Variants in RYR2 observed in about 807,000 individuals in gnomAD.
The protein encoded by RYR2 is ryanodine receptor 2, also known as cardiac muscle ryanodine receptor-calcium release channel.
Under a neutral mutation model 601.1 loss-of-function variants are expected in RYR2, and 227 were observed. The observed-to-expected ratio is 0.38, with a 90% CI of 0.34 to 0.42. RYR2 has a LOEUF of 0.42. RYR2 is among the 10% of genes least tolerant of loss of function. The pLI is 1.00. For synonymous variants in RYR2, 2,223 were observed against 2,175.1 expected (o/e 1.02, Z -0.61); for missense variants, 4,646 against 6,156.5 (o/e 0.75, Z 8.21).
chr1:237,460,370 C>T (rs2150248885), intron 16 of RYR2, among the ~76,000 whole-genome samples: 2 of 152,264 alleles, frequency 1.3e-5, no homozygotes, highest in South Asian at 4.1e-4. Flanking sequence ...CTTGACTGAT[C>T]AGGGATCCAC....
intron 29 of RYR2, among the ~76,000 whole-genome samples, chr1:237,589,264 A>G (rs1425400206): frequency 1.3e-5 from 2 of 152,198 alleles, no homozygotes; most frequent in African/African-American, 2.4e-5. Flanking sequence ...CTATTAGTAG[A>G]TGGAAAACTT....
intron 23 of RYR2, among the ~76,000 whole-genome samples, chr1:237,511,313 A>G (rs1340167652): frequency 6.6e-6 from 1 of 151,784 alleles, no homozygotes; most frequent in Non-Finnish European, 1.5e-5. Context: ...AAAAAAAAAA[A>G]AAGAGTAAGC....
At chr1:237,403,989 C>T (rs1012422259) in intron 10 of RYR2, among the ~76,000 whole-genome samples, 2 of 152,154 alleles carry the variant, frequency 1.3e-5, no homozygotes, top group African/African-American at 2.4e-5. Context: ...TGTGGTGGCC[C>T]ACATCTGTAA....
intron 1 of RYR2, among the ~76,000 whole-genome samples, chr1:237,166,198 C>T (rs1676698054): frequency 6.6e-6 from 1 of 152,164 alleles, no homozygotes; most frequent in Admixed American, 6.5e-5. Context: ...TTCTCAAGGG[C>T]CAATGCCAGT....
chr1:237,289,522 G>C (rs529229428), intron 2 of RYR2, among the ~76,000 whole-genome samples: 3 of 152,152 alleles, frequency 2.0e-5, no homozygotes, highest in African/African-American at 7.2e-5. Flanking sequence ...GAAGTGCTGT[G>C]CAAAGAGGGA....
intron 17 of RYR2, among the ~76,000 whole-genome samples, chr1:237,481,123 T>TATAC (rs1662038580): frequency 7.3e-6 from 1 of 137,136 alleles, no homozygotes; most frequent in Non-Finnish European, 1.5e-5. Context: ...TATATATATA[T>TATAC]ATACACACAC....
At chr1:237,689,081 A>T (rs1686707255) in intron 63 of RYR2, among the ~76,000 whole-genome samples, 1 of 152,132 alleles carries the variant, frequency 6.6e-6, no homozygotes, top group South Asian at 2.1e-4. Flanking sequence ...GGGGCAACAT[A>T]GCAAGACCTT....
At chr1:237,520,413 C>T (rs1666974695) in intron 24 of RYR2, among the ~76,000 whole-genome samples, 1 of 152,094 alleles carries the variant, frequency 6.6e-6, no homozygotes. Context: ...TCAACTTTCC[C>T]CATTCAGCAT....
At chr1:237,198,150 T>C (rs527971486) in intron 1 of RYR2, among the ~76,000 whole-genome samples, 137 of 152,330 alleles carry the variant, frequency 9.0e-4, no homozygotes, top group African/African-American at 3.2e-3. Flanking sequence ...GAGTTTTTGA[T>C]AGAATGGTTT....
intron 44 of RYR2, among the ~76,000 whole-genome samples, chr1:237,636,680 A>G (rs904580546): frequency 6.6e-5 from 10 of 152,190 alleles, no homozygotes; most frequent in African/African-American, 1.9e-4. Flanking sequence ...ACTGCTAACA[A>G]TTTACCCAGT....
intron 1 of RYR2, among the ~76,000 whole-genome samples, chr1:237,218,407 A>C (rs1177316922): frequency 1.3e-5 from 2 of 152,178 alleles, no homozygotes; most frequent in African/African-American, 2.4e-5. Flanking sequence ...ACGTGTATGC[A>C]TTATATCTGG....
rs114431027 is a variant in RYR2, at chr1:237,686,633, G to A, written c.9018-822G>A. Among the ~76,000 whole-genome samples the A allele has an allele frequency of 3.2e-3, 492 of 152,220 alleles. 3 individuals carry two copies. The highest frequency in any genetic ancestry group is 0.011 in the African/African-American group (453 of 41,534). On this transcript the variant is annotated intron_variant, in intron 62 of 104. Transcript: ENST00000366574. ...GCTTGGTGAAAAGAAAGGACAAACA[G>A]CAGGGATCTCCCAGGTTCAAGTGTC... is the stretch of plus-strand genomic sequence containing the variant.
intron 10 of RYR2, among the ~76,000 whole-genome samples, chr1:237,407,760 G>T (rs1704055395): frequency 6.6e-6 from 1 of 151,848 alleles, no homozygotes; most frequent in Non-Finnish European, 1.5e-5. Flanking sequence ...ATGACTACAG[G>T]TGCCCACCAC....
intron 2 of RYR2, among the ~76,000 whole-genome samples, chr1:237,281,501 A>C (rs1361614922): frequency 6.6e-6 from 1 of 152,212 alleles, no homozygotes; most frequent in Non-Finnish European, 1.5e-5. Context: ...CCTGGAGTTC[A>C]CCTCTTGCAC....
intron 1 of RYR2, among the ~76,000 whole-genome samples, chr1:237,217,058 A>G (rs1344140458): frequency 6.6e-6 from 1 of 152,234 alleles, no homozygotes; most frequent in East Asian, 1.9e-4. Context: ...AAGGGCTCCT[A>G]CAAAATTGGT....
chr1:237,195,823 T>C (rs1043475973), intron 1 of RYR2, among the ~76,000 whole-genome samples: 5 of 152,154 alleles, frequency 3.3e-5, no homozygotes, highest in Non-Finnish European at 7.3e-5. Context: ...TGAGAATATA[T>C]GTATAGGGCT....
chr1:237,503,168 G>C (rs1355848302), intron 21 of RYR2, 121 bp from the exon 22 acceptor site: 2 of 798,338 alleles, frequency 2.5e-6, no homozygotes, highest in Admixed American at 2.4e-5. Context: ...TGGTACGTAG[G>C]GGAAAATGTG....
At chr1:237,475,320 G>A (rs987700250) in intron 17 of RYR2, among the ~76,000 whole-genome samples, 1 of 152,318 alleles carries the variant, frequency 6.6e-6, no homozygotes, top group Middle Eastern at 3.4e-3. Context: ...TATTGATGGG[G>A]TGTTCTCTTA....
rs187051252 is a variant in RYR2, at chr1:237,456,543, A to G, written c.1477-57A>G. On this transcript the variant is annotated intron_variant, in intron 15 of 104. Coordinates refer to ENST00000366574, the MANE Select transcript of RYR2 (RefSeq NM_001035.3). ...ATCAACTTAGCATTTTTAGTCTGTA[A>G]GCAGAATGACAGTTTTGGATGTCTG... 3,263 of 1,437,004 alleles carry G rather than the reference A, an allele frequency of 2.3e-3. 6 individuals carry two copies. Among genetic ancestry groups the G allele is most frequent in the Non-Finnish European group, 2.8e-3 (3,061 of 1,089,326 alleles). The allele number at this position is 1,437,004 out of a possible 1,614,324, so 89.0% of individuals were successfully genotyped here. A position where few individuals can be genotyped will look rare whatever the true frequency, so the allele number is the denominator to read the frequency against.
Sources: gnomAD v4.1 joint callset for allele counts (sites outside exome capture counted in the v4.1 genomes callset) on GRCh38, gnomAD v4.1.1 for gene constraint, MANE v1.5 for transcripts, NCBI Gene and HGNC (gene_info 2026-07-23, HGNC 2026-07-21) for gene names.